FHIT: variants seen among roughly 807,000 people sequenced by gnomAD.
FHIT encodes the protein fragile histidine triad diadenosine triphosphatase.
FHIT carries 19 observed loss-of-function variants against 17.9 expected under a neutral mutation model. The ratio of observed to expected loss-of-function variants is 1.06; its 90% CI spans 0.74 to 1.56. FHIT has a LOEUF of 1.56. Among genes scored for constraint, FHIT ranks in the 40% most tolerant of loss-of-function variants. FHIT has a pLI of 0.00. For missense variants in FHIT, 248 were observed against 189.2 expected, an observed-to-expected ratio of 1.31 and a Z score of -1.82; for synonymous variants, 81 against 69.7, an observed-to-expected ratio of 1.16 and a Z score of -0.81.
chr3:60,707,680 C>A (rs1337600693), intron 4 of FHIT, among the ~76,000 whole-genome samples: 1 of 152,070 alleles, frequency 6.6e-6, no homozygotes, highest in African/African-American at 2.4e-5. Context: ...CTTTTGAATG[C>A]CTCCTTAATA....
At chr3:60,621,994 A>AT (rs2039145005) in intron 4 of FHIT, among the ~76,000 whole-genome samples, 1 of 152,004 alleles carries the variant, frequency 6.6e-6, no homozygotes, top group Non-Finnish European at 1.5e-5. Context: ...AACCCTCTGC[A>AT]TTTTTCTTAA....
At chr3:60,556,255 G>A (rs1231622895) in intron 4 of FHIT, among the ~76,000 whole-genome samples, 3 of 152,158 alleles carry the variant, frequency 2.0e-5, no homozygotes, top group African/African-American at 7.2e-5. Context: ...AATGTTAAGT[G>A]ACATCTATAA....
chr3:60,929,649 T>A (rs1707843126), intron 3 of FHIT, among the ~76,000 whole-genome samples: 1 of 152,124 alleles, frequency 6.6e-6, no homozygotes, highest in Non-Finnish European at 1.5e-5. Flanking sequence ...GGAATCCAAC[T>A]TACAAGGGAT....
At chr3:61,235,375 C>T (rs775699407) in intron 1 of FHIT, among the ~76,000 whole-genome samples, 7 of 151,716 alleles carry the variant, frequency 4.6e-5, no homozygotes, top group African/African-American at 9.7e-5. Context: ...GGATGAAATA[C>T]GAAAATCTAC....
At chr3:60,578,313 T>C (rs1553658338) in intron 4 of FHIT, among the ~76,000 whole-genome samples, 1 of 151,928 alleles carries the variant, frequency 6.6e-6, no homozygotes, top group Non-Finnish European at 1.5e-5. Flanking sequence ...GGTGTGCACT[T>C]GTAGTCCCAG....
At chr3:60,264,880 G>A (rs1002565154) in intron 5 of FHIT, among the ~76,000 whole-genome samples, 4 of 151,800 alleles carry the variant, frequency 2.6e-5, no homozygotes, top group Admixed American at 6.6e-5. Flanking sequence ...TGCAAGGAGC[G>A]TTTTCTAATT....
At chr3:60,542,948 C>T (rs950193532) in intron 4 of FHIT, among the ~76,000 whole-genome samples, 1 of 152,070 alleles carries the variant, frequency 6.6e-6, no homozygotes, top group Non-Finnish European at 1.5e-5. Flanking sequence ...ACAGAAACGG[C>T]TTCATTTTTC....
intron 4 of FHIT, among the ~76,000 whole-genome samples, chr3:60,732,970 G>C (rs2042064246): frequency 6.6e-6 from 1 of 152,118 alleles, no homozygotes; most frequent in Non-Finnish European, 1.5e-5. Context: ...ACAGGCGTGA[G>C]CCACCACGCC....
chr3:60,349,251 C>T (rs1710955143), intron 5 of FHIT, among the ~76,000 whole-genome samples: 1 of 152,158 alleles, frequency 6.6e-6, no homozygotes, highest in Non-Finnish European at 1.5e-5. Context: ...CTCAACAATA[C>T]ATCTACTGCT....
chr3:60,031,018 A>G (rs1028883170), intron 5 of FHIT, among the ~76,000 whole-genome samples: 2 of 152,164 alleles, frequency 1.3e-5, no homozygotes, highest in African/African-American at 4.8e-5. Context: ...CCAATGGGTG[A>G]TCTCCCCTGG....
intron 2 of FHIT, among the ~76,000 whole-genome samples, chr3:61,185,381 C>T (rs1035356158): frequency 1.3e-5 from 2 of 152,172 alleles, no homozygotes; most frequent in Non-Finnish European, 2.9e-5. Flanking sequence ...GAGCTTCATT[C>T]AGATTATCCT....
chr3:60,257,822 C>G (rs1559767298), intron 5 of FHIT, among the ~76,000 whole-genome samples: 1 of 152,082 alleles, frequency 6.6e-6, no homozygotes, highest in South Asian at 2.1e-4. Context: ...AATGTTCTCA[C>G]CTGTAAGTGG....
chr3:60,088,222 G>A (rs189534567), intron 5 of FHIT, among the ~76,000 whole-genome samples: 5,000 of 145,674 alleles, frequency 0.034, 116 homozygotes, highest in Non-Finnish European at 0.043. Context: ...TATTCATGAC[G>A]GATCTGCCTT....
intron 4 of FHIT, among the ~76,000 whole-genome samples, chr3:60,549,591 A>G (rs1287059023): frequency 6.6e-6 from 1 of 152,206 alleles, no homozygotes; most frequent in East Asian, 1.9e-4. Flanking sequence ...TGTATAGAAA[A>G]AAGTCCCATT....
intron 4 of FHIT, among the ~76,000 whole-genome samples, chr3:60,600,640 G>A: frequency 6.6e-6 from 1 of 152,098 alleles, no homozygotes; most frequent in East Asian, 1.9e-4. Context: ...CCCAGAAGCG[G>A]TACTAATCAA....
At chr3:59,973,650 A>G (rs1278545335) in intron 7 of FHIT, among the ~76,000 whole-genome samples, 1 of 151,960 alleles carries the variant, frequency 6.6e-6, no homozygotes, top group East Asian at 1.9e-4. Context: ...CTAGATTGTA[A>G]CCTCCCTGAT....
intron 4 of FHIT, among the ~76,000 whole-genome samples, chr3:60,571,335 C>CAAAAAAAAAAAAAAAAAAAAAA (rs56094072): frequency 7.3e-5 from 4 of 54,672 alleles, no homozygotes; most frequent in Non-Finnish European, 1.3e-4. Flanking sequence ...GACTCCATCG[C>CAAAAAAAAAAAAAAAAAAAAAA]AAAAAAAAAA....
chr3:60,083,949 T>C (rs1030669754), intron 5 of FHIT, among the ~76,000 whole-genome samples: 1 of 152,224 alleles, frequency 6.6e-6, no homozygotes, highest in African/African-American at 2.4e-5. Context: ...TGCCTCAGCA[T>C]CAAATTCACC....
intron 3 of FHIT, among the ~76,000 whole-genome samples, chr3:61,028,709 T>C (rs1029582537): frequency 5.3e-5 from 8 of 152,024 alleles, no homozygotes; most frequent in Admixed American, 2.0e-4. Flanking sequence ...ACAACATCTG[T>C]GAAACACTTA....
Sources: allele counts gnomAD v4.1 joint callset (sites outside exome capture counted in the v4.1 genomes callset), GRCh38; gene constraint gnomAD v4.1.1; transcripts MANE v1.5; gene names NCBI Gene and HGNC (gene_info 2026-07-23, HGNC 2026-07-21).